PCDHA5: variants seen among roughly 807,000 people sequenced by gnomAD.
PCDHA5 encodes the protein protocadherin alpha-5.
Under a neutral mutation model 61.6 loss-of-function variants are expected in PCDHA5, and 43 were observed. That is an observed-to-expected ratio of 0.70 (90% CI 0.55 to 0.90). PCDHA5 has a LOEUF of 0.90. Among genes scored for constraint, PCDHA5 ranks in the 40% least tolerant of loss-of-function variants. PCDHA5 has a pLI of 0.00. For missense variants in PCDHA5, 1,298 were observed against 1,222.7 expected, an observed-to-expected ratio of 1.06 and a Z score of -0.92; for synonymous variants, 627 against 543.9, an observed-to-expected ratio of 1.15 and a Z score of -2.13.
chr5:140,870,202 G>T, intron 1 of PCDHA5: 1 of 1,614,162 alleles, frequency 6.2e-7, no homozygotes, highest in Non-Finnish European at 8.5e-7. Flanking sequence ...GCCCAGCACG[G>T]TCATTGCCCT....
At chr5:140,935,127 T>C (rs1223390448) in intron 1 of PCDHA5, among the ~76,000 whole-genome samples, 1 of 152,170 alleles carries the variant, frequency 6.6e-6, no homozygotes, top group Non-Finnish European at 1.5e-5. Flanking sequence ...TTATTTTTAG[T>C]GAAAGATGAT....
At chr5:140,870,745 G>A (rs369212308) in intron 1 of PCDHA5, 1 of 1,613,530 alleles carries the variant, frequency 6.2e-7, no homozygotes, top group South Asian at 1.1e-5. Context: ...GAGCAGCAAC[G>A]TGACGCTGCA....
chr5:140,871,280 C>A, intron 1 of PCDHA5: 1 of 1,613,916 alleles, frequency 6.2e-7, no homozygotes, highest in Non-Finnish European at 8.5e-7. Context: ...TCGGCAACGC[C>A]CACTGAGGGC....
intron 1 of PCDHA5, among the ~76,000 whole-genome samples, chr5:140,951,224 A>G (rs539647356): frequency 3.2e-4 from 49 of 151,938 alleles, no homozygotes; most frequent in Non-Finnish European, 6.9e-4. Context: ...TGGATTCTTG[A>G]TGGTCTTTAC....
chr5:140,904,150 C>T (rs1005130566), intron 1 of PCDHA5, among the ~76,000 whole-genome samples: 1 of 152,036 alleles, frequency 6.6e-6, no homozygotes, highest in Non-Finnish European at 1.5e-5. Context: ...GTATACATTG[C>T]ACCCAGTTTG....
At chr5:140,872,016 C>T (rs2053445167) in intron 1 of PCDHA5, among the ~76,000 whole-genome samples, 1 of 152,182 alleles carries the variant, frequency 6.6e-6, no homozygotes, top group Non-Finnish European at 1.5e-5. Flanking sequence ...TGACCTGTAG[C>T]CTGGAACTGC....
intron 1 of PCDHA5, among the ~76,000 whole-genome samples, chr5:140,879,982 T>A (rs1554171120): frequency 1.3e-5 from 2 of 152,226 alleles, no homozygotes; most frequent in Non-Finnish European, 2.9e-5. Context: ...CCTTTCAAGA[T>A]CCTTAACTTA....
At chr5:140,861,374 T>C in intron 1 of PCDHA5, 1 of 409,110 alleles carries the variant, frequency 2.4e-6, no homozygotes, top group Middle Eastern at 9.4e-4. Context: ...CGGTCCCTAT[T>C]GCGCAGGACC....
chr5:140,846,457 C>T lies in PCDHA5; in HGVS notation c.2352+22330C>T, dbSNP rs111351744. Among the ~76,000 whole-genome samples the T allele has an allele frequency of 5.2e-3, 745 of 144,004 alleles. 43 individuals carry two copies. The highest frequency in any genetic ancestry group is 0.018 in the African/African-American group (687 of 39,152). 94.5% of individuals were successfully genotyped at this position (144,004 alleles called of 152,430 possible). On this transcript the variant is annotated intron_variant, in intron 1 of 3. Coordinates refer to ENST00000529859, the MANE Select transcript of PCDHA5 (RefSeq NM_018908.3). ...TGGCGCAATCTCGGCTCACTGCAAC[C>T]TCTGCCTCCCGGGTTCAAATGATTC...
At chr5:140,879,939 T>C (rs1554171083) in intron 1 of PCDHA5, among the ~76,000 whole-genome samples, 1 of 152,194 alleles carries the variant, frequency 6.6e-6, no homozygotes. Flanking sequence ...TGTGATTGTA[T>C]TTAGGGCCCA....
chr5:140,880,891 C>T (rs1475261918), intron 1 of PCDHA5, among the ~76,000 whole-genome samples: 2 of 151,984 alleles, frequency 1.3e-5, no homozygotes, highest in Non-Finnish European at 2.9e-5. Flanking sequence ...AATGTAGGGC[C>T]AGATAGAAAG....
chr5:140,836,517 G>A (rs2150262716), intron 1 of PCDHA5: 2 of 1,613,868 alleles, frequency 1.2e-6, no homozygotes, highest in African/African-American at 2.7e-5. Flanking sequence ...CAGTCTGTTG[G>A]TGCTTACCCT....
At chr5:140,958,867 T>C (rs1312043891) in intron 1 of PCDHA5, among the ~76,000 whole-genome samples, 1 of 152,146 alleles carries the variant, frequency 6.6e-6, no homozygotes, top group Non-Finnish European at 1.5e-5. Context: ...ACTGGGTTTA[T>C]AAAAGAATTG....
rs149975240 is a variant in PCDHA5, at chr5:140,822,914, C to T, written c.1139C>T (p.Ala380Val). The change falls in exon 1 of 4, where the codon GCC (alanine) becomes GTC (valine). Residue 380 changes from alanine (A) to valine (V), a missense_variant. Physicochemically the swap from Ala to Val is moderately conservative, Grantham distance 64. Transcript: ENST00000529859. The part of the protein sequence containing the change: ...LISVSDRDSG[A>V]NGQVTCSLMP... ...AGCGTGTCTGACCGTGACTCAGGTGCCAACGGGCAGGTGACCTGCTCCCTA... is the reference window on the plus strand; with the variant it reads ...AGCGTGTCTGACCGTGACTCAGGTGTCAACGGGCAGGTGACCTGCTCCCTA... 3,249 of 1,614,244 alleles carry T rather than the reference C, an allele frequency of 2.0e-3. 9 individuals carry two copies. Among genetic ancestry groups the T allele is most frequent in the Non-Finnish European group, 2.0e-3 (2,332 of 1,180,052 alleles).
At chr5:140,941,570 C>T (rs892912533) in intron 1 of PCDHA5, among the ~76,000 whole-genome samples, 17 of 152,046 alleles carry the variant, frequency 1.1e-4, no homozygotes, top group African/African-American at 4.1e-4. Context: ...TCGCCTCAGC[C>T]TCCCAAAGTG....
At chr5:140,948,849 C>A (rs2094312653) in intron 1 of PCDHA5, among the ~76,000 whole-genome samples, 1 of 151,046 alleles carries the variant, frequency 6.6e-6, no homozygotes, top group Admixed American at 6.6e-5. Flanking sequence ...GTATTATTTG[C>A]CTTCTTATAT....
At chr5:140,900,100 A>G (rs1453942019) in intron 1 of PCDHA5, among the ~76,000 whole-genome samples, 1 of 152,162 alleles carries the variant, frequency 6.6e-6, no homozygotes, top group African/African-American at 2.4e-5. Flanking sequence ...ATGCGCCACC[A>G]TACCTGGCCT....
rs2150332789 is a variant in PCDHA5, at chr5:140,842,251, T to C, written c.2352+18124T>C. 6 of 1,611,822 alleles carry C rather than the reference T, an allele frequency of 3.7e-6. 1 individual carries two copies. The highest frequency in any genetic ancestry group is 5.1e-6 in the Non-Finnish European group (6 of 1,178,190). Reference sequence around the variant, plus strand: ...TAGTGATTCGGGGTAATTTGGATTTTGAACAAGAAAACTTATACAAAATCC... The same window carrying C: ...TAGTGATTCGGGGTAATTTGGATTTCGAACAAGAAAACTTATACAAAATCC... On this transcript the variant is annotated intron_variant, in intron 1 of 3. Coordinates refer to ENST00000529859, the MANE Select transcript of PCDHA5 (RefSeq NM_018908.3).
intron 1 of PCDHA5, among the ~76,000 whole-genome samples, chr5:140,937,469 T>C (rs1322050073): frequency 6.6e-6 from 1 of 152,210 alleles, no homozygotes; most frequent in Non-Finnish European, 1.5e-5. Flanking sequence ...ATACAAAAAT[T>C]AGCTGGACAT....
Sources: gnomAD v4.1 joint callset for allele counts (sites outside exome capture counted in the v4.1 genomes callset) on GRCh38, gnomAD v4.1.1 for gene constraint, MANE v1.5 for transcripts, NCBI Gene and HGNC (gene_info 2026-07-23, HGNC 2026-07-21) for gene names.